The following CPNE4 variants were observed in gnomAD, a reference collection of about 807,000 sequenced individuals.
CPNE4 encodes the protein copine-4.
In CPNE4, 25 loss-of-function variants were observed where a neutral mutation model predicts 67.9. The observed-to-expected ratio is 0.37, with a 90% CI of 0.27 to 0.51. The LOEUF is 0.51. CPNE4 is among the 20% of genes least tolerant of loss of function. The probability of loss-of-function intolerance (pLI) is 0.93; values close to 1 mark genes in which losing one functional copy is unlikely to be tolerated. For synonymous variants in CPNE4, 242 were observed against 244.9 expected (o/e 0.99, Z 0.11); for missense variants, 464 against 690.8 (o/e 0.67, Z 3.68).
intron 7 of CPNE4, among the ~76,000 whole-genome samples, chr3:131,656,145 C>T (rs1262265761): frequency 6.6e-6 from 1 of 151,316 alleles, no homozygotes; most frequent in African/African-American, 2.4e-5. Flanking sequence ...CAGACTCTTC[C>T]CTTCCCTTCC....
At chr3:131,912,957 A>G (rs1202494422) in intron 1 of CPNE4, among the ~76,000 whole-genome samples, 1 of 152,186 alleles carries the variant, frequency 6.6e-6, no homozygotes, top group East Asian at 1.9e-4. Context: ...AAAACAAGGC[A>G]AACTTCCCCC....
chr3:131,919,464 C>T (rs144384677), intron 1 of CPNE4, among the ~76,000 whole-genome samples: 1 of 152,252 alleles, frequency 6.6e-6, no homozygotes, highest in East Asian at 1.9e-4. Context: ...ACAGTACATG[C>T]TGTATGATCC....
chr3:131,792,923 G>GTATATCTA (rs1404922942), intron 2 of CPNE4, among the ~76,000 whole-genome samples: 6 of 46,820 alleles, frequency 1.3e-4, no homozygotes, highest in African/African-American at 3.8e-4. Flanking sequence ...GTGTGTGTGT[G>GTATATCTA]TGTATCTCCA....
intron 1 of CPNE4, among the ~76,000 whole-genome samples, chr3:131,942,461 TGTGAGAGAGAGA>T (rs1178212286): frequency 0.032 from 1,799 of 56,966 alleles, 14 homozygotes; most frequent in East Asian, 0.089. Flanking sequence ...TGTGTGTGTG[TGTGAGAGAGAGA>T]GAGAGAGAGA....
chr3:131,748,166 T>C (rs2082538421), intron 2 of CPNE4, among the ~76,000 whole-genome samples: 1 of 152,062 alleles, frequency 6.6e-6, no homozygotes, highest in Non-Finnish European at 1.5e-5. Flanking sequence ...TATATTATGG[T>C]ACTATATGGA....
chr3:131,913,525 C>G (rs568637327), intron 1 of CPNE4, among the ~76,000 whole-genome samples: 4 of 152,124 alleles, frequency 2.6e-5, no homozygotes, highest in Non-Finnish European at 5.9e-5. Context: ...ACGCAAGACC[C>G]CAGAAGAGTG....
At chr3:131,547,110 C>G (rs529610840) in intron 14 of CPNE4, among the ~76,000 whole-genome samples, 92 of 141,998 alleles carry the variant, frequency 6.5e-4, no homozygotes, top group African/African-American at 2.1e-3. Flanking sequence ...TTTGGGGAAG[C>G]CTTTGCAGGG....
At chr3:131,554,411 G>T (rs148150556) in intron 12 of CPNE4, among the ~76,000 whole-genome samples, 6 of 152,172 alleles carry the variant, frequency 3.9e-5, no homozygotes, top group African/African-American at 1.2e-4. Flanking sequence ...CCTGAATAAT[G>T]TCTATAGGCC....
rs145371194 is a variant in CPNE4 at position 131,595,017 on chromosome 3, C to T, written c.682-7435G>A. On this transcript the variant is annotated intron_variant, in intron 7 of 15. Coordinates refer to ENST00000429747, the MANE Select transcript of CPNE4 (RefSeq NM_130808.3). ...ACTCCAGTGAGATACCACCTTACAC[C>T]TGCTAAGGTGGCTATTATTTTTTAA... Among the ~76,000 whole-genome samples the T allele has an allele frequency of 7.0e-3, 1,061 of 152,248 alleles. 14 individuals are homozygous for T. The highest frequency in any genetic ancestry group is 0.029 in the Admixed American group (437 of 15,292).
At chr3:132,004,076 T>C (rs966876051) in intron 1 of CPNE4, among the ~76,000 whole-genome samples, 3 of 152,066 alleles carry the variant, frequency 2.0e-5, no homozygotes, top group African/African-American at 7.2e-5. Context: ...CACACCCTTC[T>C]GTCAGCATTG....
chr3:131,715,587 T>C (rs753651018), intron 3 of CPNE4, among the ~76,000 whole-genome samples: 2 of 152,216 alleles, frequency 1.3e-5, no homozygotes, highest in Non-Finnish European at 2.9e-5. Flanking sequence ...TGCCTACCTC[T>C]CAGGGATGTT....
chr3:132,001,909 C>A (rs2073461595), intron 1 of CPNE4, among the ~76,000 whole-genome samples: 1 of 152,100 alleles, frequency 6.6e-6, no homozygotes, highest in South Asian at 2.1e-4. Context: ...AACAAAATTT[C>A]TTTTCCAACT....
chr3:131,810,907 A>G (rs2084500018), intron 2 of CPNE4, among the ~76,000 whole-genome samples: 1 of 152,122 alleles, frequency 6.6e-6, no homozygotes, highest in African/African-American at 2.4e-5. Flanking sequence ...CCCGAATAGC[A>G]TTATGCTGGG....
intron 7 of CPNE4, among the ~76,000 whole-genome samples, chr3:131,590,670 T>TA (rs778717628): frequency 2.6e-5 from 4 of 152,196 alleles, no homozygotes; most frequent in Non-Finnish European, 4.4e-5. Flanking sequence ...ATCTGTTTGT[T>TA]AAAAAGTGTT....
chr3:131,979,013 T>G (rs567706735), intron 1 of CPNE4, among the ~76,000 whole-genome samples: 10 of 152,144 alleles, frequency 6.6e-5, no homozygotes, highest in Non-Finnish European at 1.5e-4. Context: ...AAGTTCCTTT[T>G]GGAGTTGATT....
chr3:131,748,488 T>C (rs1362871821), intron 2 of CPNE4, among the ~76,000 whole-genome samples: 1 of 152,020 alleles, frequency 6.6e-6, no homozygotes, highest in Non-Finnish European at 1.5e-5. Context: ...TTTCTTTTAT[T>C]TTCTAGAAGA....
chr3:131,536,952 G>A (rs1397106050), intron 15 of CPNE4, among the ~76,000 whole-genome samples: 1 of 152,108 alleles, frequency 6.6e-6, no homozygotes, highest in Non-Finnish European at 1.5e-5. Flanking sequence ...TCCATCCTTT[G>A]AGATATAAGT....
intron 12 of CPNE4, among the ~76,000 whole-genome samples, chr3:131,554,809 T>C (rs1936373908): frequency 6.6e-6 from 1 of 152,004 alleles, no homozygotes. Context: ...AGAGGTACCC[T>C]GCTGTCTCTC....
chr3:131,686,809 G>A lies in CPNE4; in HGVS notation c.508-851C>T, dbSNP rs138176739. On this transcript the variant is annotated intron_variant, in intron 5 of 15. Transcript: ENST00000429747. ...ATGCTGCTTTTGCTAATTAGCAAAC[G>A]CCTTGAGATGATAAGCCACTCATAC... Among the ~76,000 whole-genome samples, 788 of 152,184 alleles carry A rather than the reference G, an allele frequency of 5.2e-3. 6 individuals carry two copies. The highest frequency in any genetic ancestry group is 0.016 in the African/African-American group (661 of 41,538).
Sources: gnomAD v4.1 joint callset for allele counts (sites outside exome capture counted in the v4.1 genomes callset) on GRCh38, gnomAD v4.1.1 for gene constraint, MANE v1.5 for transcripts, NCBI Gene and HGNC (gene_info 2026-07-23, HGNC 2026-07-21) for gene names.